Variants in HERC1 observed in about 807,000 individuals in gnomAD.
HERC1 encodes probable E3 ubiquitin-protein ligase HERC1.
HERC1 carries 160 observed loss-of-function variants against 554.3 expected under a neutral mutation model. That is an observed-to-expected ratio of 0.29 (90% CI 0.25 to 0.33). The LOEUF is 0.33. Among genes scored for constraint, HERC1 ranks in the 10% least tolerant of loss-of-function variants. The pLI, the probability that HERC1 is intolerant of heterozygous loss-of-function variation, is 1.00. For synonymous variants in HERC1, 2,175 were observed against 2,131.7 expected (o/e 1.02, Z -0.56); for missense variants, 4,919 against 5,918.5 (o/e 0.83, Z 5.54).
chr15:63,788,801 C>T (rs2076534713), intron 1 of HERC1, among the ~76,000 whole-genome samples: 1 of 149,814 alleles, frequency 6.7e-6, no homozygotes, highest in Admixed American at 6.7e-5. Context: ...CCTGCAATCC[C>T]AGCTACTTGG....
chr15:63,650,599 A>G (rs1172359271), intron 53 of HERC1, among the ~76,000 whole-genome samples: 1 of 152,124 alleles, frequency 6.6e-6, no homozygotes, highest in African/African-American at 2.4e-5. Flanking sequence ...AACTATTAAT[A>G]GGGCAAAATG....
intron 59 of HERC1, 107 bp downstream of exon 59, chr15:63,642,850 C>T: frequency 2.9e-6 from 2 of 696,214 alleles, no homozygotes; most frequent in Non-Finnish European, 5.2e-6. Flanking sequence ...AAGTAGTAAT[C>T]CCTCTGGACA....
At chr15:63,666,320 T>C (rs2070635118) in intron 41 of HERC1, 36 bp downstream of exon 41, 1 of 1,485,412 alleles carries the variant, frequency 6.7e-7, no homozygotes, top group South Asian at 1.2e-5. Flanking sequence ...GGACTTCTCA[T>C]ATCTGTATAC....
intron 39 of HERC1, among the ~76,000 whole-genome samples, chr15:63,671,233 G>GT (rs1164990506): frequency 1.3e-5 from 2 of 150,756 alleles, no homozygotes; most frequent in Non-Finnish European, 3.0e-5. Context: ...TTAGCTGGGT[G>GT]TGGTGGTACA....
Position 63,699,243 on chromosome 15 carries a change from G to A in HERC1, c.4637-247C>T, listed in dbSNP as rs148983737. Among the ~76,000 whole-genome samples, 36 of 152,314 alleles carry A rather than the reference G, an allele frequency of 2.4e-4. No individual in the cohort carries two copies. In the East Asian group the frequency reaches 4.6e-3, roughly 20 times the overall value. On this transcript the variant is annotated intron_variant, in intron 25 of 77. Transcript: ENST00000443617. The stretch of plus-strand genomic sequence containing the variant: ...TTGATGTACCAGTGTCTCTGTAAGC[G>A]CTTTAGCAACACGCTGCCACAAGAA...
chr15:63,788,164 C>T (rs2076517420), intron 1 of HERC1, among the ~76,000 whole-genome samples: 1 of 152,006 alleles, frequency 6.6e-6, no homozygotes. Context: ...AGTTAACAAA[C>T]AAATGAATTT....
Position 63,694,027 on chromosome 15 carries a change from C to A in HERC1, c.5611G>T (p.Asp1871Tyr). The A allele has an allele frequency of 1.3e-6, 2 of 1,589,956 alleles. No individual in the cohort carries two copies. The highest frequency in any genetic ancestry group is 2.3e-5 in the East Asian group (1 of 44,256). The change falls in exon 30 of 78, where the codon GAC becomes TAC. Residue 1871 changes from aspartate (D) to tyrosine (Y), a missense_variant. This residue lies in a region of HERC1 where 1,121 missense variants were observed against 1,244.0 expected (regional missense o/e 0.90). Transcript: ENST00000443617. The surrounding 1 kb of genome is among the most constrained non-coding windows in gnomAD (Gnocchi z 4.3). ...MASFGEGEQE[D>Y]GEEEEKKVDS... ...ACTTTTTTTTCTTCTTCTTCACCGT[C>A]TTCTTGCTCCCCTTCTCCGAAAGAG...
intron 1 of HERC1, among the ~76,000 whole-genome samples, chr15:63,829,594 T>TAAAA (rs1491132025): frequency 0.018 from 2,377 of 131,306 alleles, 34 homozygotes; most frequent in African/African-American, 0.025. Flanking sequence ...TATATATATA[T>TAAAA]AATATACTGA....
rs1327006357 is a variant in HERC1, at chr15:63,674,667, C to G, written c.7521G>C (p.Gln2507His). The change falls in exon 38 of 78, where the codon CAG becomes CAC. Residue 2507 changes from glutamine (Q) to histidine (H), a missense_variant. This residue lies in a region of HERC1 where 1,963 missense variants were observed against 2,228.6 expected (regional missense o/e 0.88). Coordinates refer to ENST00000443617, the MANE Select transcript of HERC1 (RefSeq NM_003922.4). ...TAGCACCGAGGTAAAGATAGGACAG[C>G]TGGACTGCTCTGATTTCTGACTGGG... is the stretch of plus-strand genomic sequence containing the variant. ...DVAQSEIRAV[Q>H]LSYLYLGAMK... 2 of 1,613,792 alleles carry G rather than the reference C, an allele frequency of 1.2e-6. No individual in the cohort carries two copies. The highest frequency in any genetic ancestry group is 1.7e-6 in the Non-Finnish European group (2 of 1,179,774).
chr15:63,828,501 A>C (rs2078018277), intron 1 of HERC1, among the ~76,000 whole-genome samples: 1 of 152,020 alleles, frequency 6.6e-6, no homozygotes, highest in Non-Finnish European at 1.5e-5. Context: ...CACCACACCA[A>C]GCTAATTTTG....
At chr15:63,822,043 G>T (rs2077718688) in intron 1 of HERC1, among the ~76,000 whole-genome samples, 1 of 152,000 alleles carries the variant, frequency 6.6e-6, no homozygotes. Flanking sequence ...CTCTACAGGG[G>T]TGAAGTCTGA....
Position 63,674,932 on chromosome 15 carries a change from C to T in HERC1, c.7256G>A (p.Arg2419Gln), listed in dbSNP as rs376323982. 1.2e-5 allele frequency: 20 copies of T among 1,613,998 alleles called. No homozygotes were observed. Among genetic ancestry groups the T allele is most frequent in the East Asian group, 8.9e-5 (4 of 44,888 alleles). The change falls in exon 38 of 78, where the codon CGA becomes CAA. Residue 2419 changes from arginine (R) to glutamine (Q), a missense_variant. Arg to Gln is a conservative substitution (Grantham distance 43). Around this residue, in one of 11 missense-constraint regions of HERC1, gnomAD observed 1,963 missense variants for 2,228.6 expected, o/e 0.88. Transcript: ENST00000443617. ...QSTKRHEKKH[R>Q]HESEEKGDVE... The stretch of plus-strand genomic sequence containing the variant: ...ATCCCCTTTCTCCTCGGATTCATGT[C>T]GGTGTTTCTTTTCATGTCGTTTGGT...
At chr15:63,817,437 G>A (rs964730488) in intron 1 of HERC1, among the ~76,000 whole-genome samples, 4 of 152,108 alleles carry the variant, frequency 2.6e-5, no homozygotes, top group African/African-American at 4.8e-5. Context: ...TCCAGAGGCC[G>A]GGTGTGGTCG....
At chr15:63,661,200 T>A (rs1375333902) in intron 45 of HERC1, among the ~76,000 whole-genome samples, 175 bp from the exon 46 acceptor site, 1 of 152,244 alleles carries the variant, frequency 6.6e-6, no homozygotes, top group Non-Finnish European at 1.5e-5. Context: ...GGTACACACA[T>A]GCTTACAAAA....
intron 74 of HERC1, 45 bp downstream of exon 74, chr15:63,622,770 T>C: frequency 7.2e-7 from 1 of 1,384,478 alleles, no homozygotes; most frequent in Non-Finnish European, 9.9e-7. Flanking sequence ...TGTGAGCTAT[T>C]ATTATTATTT....
chr15:63,654,414 T>G, intron 50 of HERC1, 90 bp from the exon 51 acceptor site: 1 of 1,005,332 alleles, frequency 9.9e-7, no homozygotes, highest in South Asian at 1.5e-5. Context: ...CAGGTGAGAT[T>G]TGGTGGTGGT....
At chr15:63,668,429 G>T (rs1161443558) in intron 40 of HERC1, among the ~76,000 whole-genome samples, 3 of 152,090 alleles carry the variant, frequency 2.0e-5, no homozygotes, top group African/African-American at 7.2e-5. Flanking sequence ...AGAGGTTGAG[G>T]CTACAGTGAC....
chr15:63,729,542 T>C lies in HERC1; in HGVS notation c.2976A>G (p.Leu992=). 6 of 1,613,940 alleles carry C rather than the reference T, an allele frequency of 3.7e-6. No homozygotes were observed. The highest frequency in any genetic ancestry group is 2.2e-5 in the South Asian group (2 of 91,082). ...GGCAAAATGCCAGCAGCTGTTTCTG[T>C]AGTGAACATAGCAGTTCATGAAGAT... ...PAHLHELLCS[L]QKQLLAFCHI... is the part of the protein sequence containing the mutation. The change falls in exon 15 of 78, where the codon CTA becomes CTG. Residue 992 remains leucine, a synonymous_variant. Coordinates refer to ENST00000443617, the MANE Select transcript of HERC1 (RefSeq NM_003922.4).
intron 54 of HERC1, among the ~76,000 whole-genome samples, chr15:63,649,134 C>A (rs540715140): frequency 1.3e-5 from 2 of 152,332 alleles, no homozygotes; most frequent in East Asian, 3.9e-4. Context: ...GTGGGCGGAT[C>A]ACAAGGTGAG....
Sources: gnomAD v4.1 joint callset for allele counts (sites outside exome capture counted in the v4.1 genomes callset) on GRCh38, gnomAD v4.1.1 for gene constraint, gnomAD v4.1.1 regional missense constraint, Gnocchi (gnomAD v3.1) non-coding constraint, MANE v1.5 for transcripts, NCBI Gene and HGNC (gene_info 2026-07-23, HGNC 2026-07-21) for gene names.